Variants in LUC7L2 observed in about 807,000 individuals in gnomAD.
The protein encoded by LUC7L2 is LUC7 like 2, pre-mRNA splicing factor.
A neutral mutation model predicts 52.8 loss-of-function variants in LUC7L2; 25 were observed. That is an observed-to-expected ratio of 0.47 (90% CI 0.34 to 0.66). The LOEUF (loss-of-function observed/expected upper bound fraction) is 0.66. LUC7L2 is among the 30% of genes least tolerant of loss of function. LUC7L2 has a pLI of 0.01. For synonymous variants in LUC7L2, 144 were observed against 160.9 expected (o/e 0.89, Z 0.80); for missense variants, 328 against 497.8 (o/e 0.66, Z 3.25).
At chr7:139,401,932 A>C (rs772671788) in intron 3 of LUC7L2, among the ~76,000 whole-genome samples, 15 of 151,936 alleles carry the variant, frequency 9.9e-5, no homozygotes, top group Non-Finnish European at 1.9e-4. Flanking sequence ...TTTGGATTTT[A>C]AGTAGAGGCA....
chr7:139,407,403 C>G (rs1228471560), intron 6 of LUC7L2, 53 bp downstream of exon 6: 14 of 1,538,550 alleles, frequency 9.1e-6, no homozygotes, highest in Admixed American at 4.1e-5. Context: ...TGATCTGTAT[C>G]AGTTGCCTTT....
intron 5 of LUC7L2, among the ~76,000 whole-genome samples, chr7:139,406,162 C>T (rs888931640): frequency 2.0e-5 from 3 of 152,020 alleles, no homozygotes; most frequent in Non-Finnish European, 1.5e-5. Flanking sequence ...AGCGATTCTC[C>T]TGCCTCAGCC....
At chr7:139,383,001 C>A (rs1801116192) in intron 2 of LUC7L2, among the ~76,000 whole-genome samples, 1 of 152,170 alleles carries the variant, frequency 6.6e-6, no homozygotes, top group South Asian at 2.1e-4. Flanking sequence ...CCTCAGCTCA[C>A]TGCAACCTCT....
At chr7:139,360,400 GGC>G (rs1799808436) in intron 1 of LUC7L2, 78 bp downstream of exon 1, 22 of 1,401,460 alleles carry the variant, frequency 1.6e-5, no homozygotes, top group South Asian at 3.8e-5. Context: ...GGCGCACCTG[GGC>G]GCGCGCGTGT....
At chr7:139,340,638 GA>G (rs1457957592) in intron 1 of LUC7L2, 1 of 396,832 alleles carries the variant, frequency 2.5e-6, no homozygotes, top group Non-Finnish European at 4.4e-6. Flanking sequence ...AAAATGAAGT[GA>G]CGATGACGTA....
At chr7:139,348,071 G>C (rs1193802458) in intron 1 of LUC7L2, among the ~76,000 whole-genome samples, 1 of 151,916 alleles carries the variant, frequency 6.6e-6, no homozygotes, top group Non-Finnish European at 1.5e-5. Flanking sequence ...ATTTTACTTT[G>C]GTAAGAGTGA....
chr7:139,409,828 G>GT (rs1795279172), intron 7 of LUC7L2, among the ~76,000 whole-genome samples, 174 bp downstream of exon 7: 1 of 152,176 alleles, frequency 6.6e-6, no homozygotes, highest in East Asian at 1.9e-4. Flanking sequence ...TACAAGTATC[G>GT]TAACTCTTGG....
chr7:139,374,494 G>T, intron 1 of LUC7L2: 1 of 1,550,508 alleles, frequency 6.4e-7, no homozygotes, highest in Non-Finnish European at 8.7e-7. Flanking sequence ...TAACTTTTCA[G>T]ATGTGTTAAT....
chr7:139,353,931 A>G (rs2131161456), intron 1 of LUC7L2, among the ~76,000 whole-genome samples: 1 of 152,174 alleles, frequency 6.6e-6, no homozygotes, highest in East Asian at 1.9e-4. Flanking sequence ...CCTGGGCAAC[A>G]TGGCGAAACC....
chr7:139,374,713 C>G, intron 1 of LUC7L2: 1 of 1,313,910 alleles, frequency 7.6e-7, no homozygotes, highest in Non-Finnish European at 9.7e-7. Flanking sequence ...TTTATATACC[C>G]TGGTTGCAAA....
intron 5 of LUC7L2, among the ~76,000 whole-genome samples, 172 bp from the exon 6 acceptor site, chr7:139,407,002 T>TTTG (rs1795151470): frequency 2.2e-5 from 1 of 45,082 alleles, no homozygotes; most frequent in South Asian, 1.1e-3. Context: ...GCTTTTGTGG[T>TTTG]TTTTTTTTTT....
chr7:139,347,446 G>A (rs1799305874), intron 1 of LUC7L2, among the ~76,000 whole-genome samples: 1 of 152,072 alleles, frequency 6.6e-6, no homozygotes, highest in African/African-American at 2.4e-5. Flanking sequence ...AATTAGCTGG[G>A]CATGGTGGCG....
chr7:139,391,369 A>G (rs1794441657), intron 2 of LUC7L2, among the ~76,000 whole-genome samples: 1 of 152,222 alleles, frequency 6.6e-6, no homozygotes, highest in African/African-American at 2.4e-5. Context: ...AACACATAAC[A>G]AAGCAGTTAT....
chr7:139,373,019 A>G (rs950450270), intron 1 of LUC7L2, among the ~76,000 whole-genome samples: 1 of 152,178 alleles, frequency 6.6e-6, no homozygotes, highest in African/African-American at 2.4e-5. Flanking sequence ...CAAAGATAAA[A>G]CACATTAAAT....
At chr7:139,401,414 T>A (rs1385463202) in intron 3 of LUC7L2, among the ~76,000 whole-genome samples, 1 of 152,198 alleles carries the variant, frequency 6.6e-6, no homozygotes, top group East Asian at 1.9e-4. Context: ...ATTTGTAATT[T>A]GCTTTTTATT....
At chr7:139,382,987 G>A (rs1801115472) in intron 2 of LUC7L2, among the ~76,000 whole-genome samples, 1 of 151,792 alleles carries the variant, frequency 6.6e-6, no homozygotes, top group Admixed American at 6.6e-5. Flanking sequence ...GTGCACTGGT[G>A]TCACCTCAGC....
chr7:139,394,541 A>G (rs749698918), intron 2 of LUC7L2, among the ~76,000 whole-genome samples: 5 of 152,360 alleles, frequency 3.3e-5, no homozygotes, highest in Non-Finnish European at 5.9e-5. Flanking sequence ...AATTATTGCA[A>G]TAGAGACAGA....
At chr7:139,342,299 G>A (rs1443627285) in intron 1 of LUC7L2, among the ~76,000 whole-genome samples, 1 of 152,142 alleles carries the variant, frequency 6.6e-6, no homozygotes, top group Non-Finnish European at 1.5e-5. Flanking sequence ...AGAAGGGGTA[G>A]TTAGGGAAGG....
intron 2 of LUC7L2, among the ~76,000 whole-genome samples, chr7:139,382,132 C>T (rs1160589251): frequency 9.2e-5 from 14 of 151,714 alleles, no homozygotes; most frequent in Admixed American, 7.2e-4. Flanking sequence ...CCTTGTGACC[C>T]GCCTACCTTG....
Sources: allele counts gnomAD v4.1 joint callset (sites outside exome capture counted in the v4.1 genomes callset), GRCh38; gene constraint gnomAD v4.1.1; transcripts MANE v1.5; gene names NCBI Gene and HGNC (gene_info 2026-07-23, HGNC 2026-07-21).